The following CDH1 variants were observed in gnomAD, a reference collection of about 807,000 sequenced individuals.
CDH1 encodes the protein cadherin-1.
In CDH1, 35 loss-of-function variants were observed where a neutral mutation model predicts 84.5. The ratio of observed to expected loss-of-function variants is 0.41; its 90% CI spans 0.32 to 0.55. The LOEUF (loss-of-function observed/expected upper bound fraction) is 0.55, where lower values mean the gene tolerates loss of function less well. CDH1 is among the 20% of genes least tolerant of loss of function. The pLI is 0.19. For missense variants in CDH1, 994 were observed against 1,126.6 expected, an observed-to-expected ratio of 0.88 and a Z score of 1.68; for synonymous variants, 417 against 439.0, an observed-to-expected ratio of 0.95 and a Z score of 0.63.
intron 2 of CDH1, among the ~76,000 whole-genome samples, chr16:68,756,132 ATTT>A (rs58200081): frequency 8.0e-6 from 1 of 124,552 alleles, no homozygotes; most frequent in Non-Finnish European, 1.6e-5. Flanking sequence ...TTTAGGGCAT[ATTT>A]TTTTTTTTTT....
chr16:68,813,550 C>T (rs533594259), intron 9 of CDH1, 55 bp downstream of exon 9: 2 of 1,523,548 alleles, frequency 1.3e-6, no homozygotes, highest in Non-Finnish European at 1.8e-6. Flanking sequence ...GCTGTTCATA[C>T]CCTTGTCCCC....
At chr16:68,811,586 C>T in intron 6 of CDH1, 98 bp from the exon 7 acceptor site, 1 of 1,048,190 alleles carries the variant, frequency 9.5e-7, no homozygotes, top group Admixed American at 1.7e-5. Flanking sequence ...ACCCCCATGT[C>T]CCCTCCTTTA....
At chr16:68,745,533 C>CAA (rs67825283) in intron 2 of CDH1, among the ~76,000 whole-genome samples, 140 of 40,392 alleles carry the variant, frequency 3.5e-3, no homozygotes, top group East Asian at 5.1e-3. Flanking sequence ...GATCCTGTCT[C>CAA]AAAAAAAAAA....
At chr16:68,811,996 C>T in intron 7 of CDH1, 137 bp downstream of exon 7, 1 of 1,474,820 alleles carries the variant, frequency 6.8e-7, no homozygotes, top group Non-Finnish European at 9.4e-7. Context: ...AGCTTGTGCC[C>T]AGAGGTTCCG....
intron 2 of CDH1, among the ~76,000 whole-genome samples, chr16:68,768,305 C>A (rs1959448321): frequency 1.3e-5 from 2 of 152,276 alleles, no homozygotes; most frequent in Non-Finnish European, 2.9e-5. Context: ...GATGTGTTTG[C>A]CACAGACCTA....
intron 2 of CDH1, among the ~76,000 whole-genome samples, chr16:68,798,415 A>G (rs1056717935): frequency 2.6e-5 from 4 of 152,062 alleles, no homozygotes; most frequent in African/African-American, 9.7e-5. Context: ...AGAACCTTTC[A>G]ATCTTTCCTA....
chr16:68,806,348 G>A (rs999596060), intron 3 of CDH1, among the ~76,000 whole-genome samples: 2 of 151,626 alleles, frequency 1.3e-5, no homozygotes, highest in Non-Finnish European at 2.9e-5. Context: ...CAGGGTTTTG[G>A]CACGTTGGCC....
At chr16:68,763,093 C>T (rs990783104) in intron 2 of CDH1, among the ~76,000 whole-genome samples, 2 of 152,056 alleles carry the variant, frequency 1.3e-5, no homozygotes, top group Non-Finnish European at 2.9e-5. Flanking sequence ...TAATTTAAAG[C>T]GTTCAATTCC....
At chr16:68,806,203 G>A (rs1960655156) in intron 3 of CDH1, among the ~76,000 whole-genome samples, 1 of 151,260 alleles carries the variant, frequency 6.6e-6, no homozygotes, top group African/African-American at 2.4e-5. Context: ...CCAGGCTGGA[G>A]TGCAGTGGCA....
chr16:68,787,825 A>ATTTTATTTTTTTTT (rs1960100372), intron 2 of CDH1, among the ~76,000 whole-genome samples: 1 of 102,354 alleles, frequency 9.8e-6, no homozygotes, highest in Non-Finnish European at 1.9e-5. Context: ...CGCCCGGCTA[A>ATTTTATTTTTTTTT]TTTTTTTTTT....
chr16:68,808,490 C>G lies in CDH1; in HGVS notation c.454C>G (p.Gln152Glu), dbSNP rs1555515211. 1 of 1,614,086 alleles carries G rather than the reference C, an allele frequency of 6.2e-7. No individual in the cohort carries two copies. Among genetic ancestry groups the G allele is most frequent in the Non-Finnish European group, 8.5e-7 (1 of 1,179,966 alleles). ...FPNSSPGLRR[Q>E]KRDWVIPPIS... is the part of the protein sequence containing the mutation. ...CAACTCCTCTCCTGGCCTCAGAAGACAGAAGAGAGACTGGGTTATTCCTCC... is the reference window on the plus strand; with the variant it reads ...CAACTCCTCTCCTGGCCTCAGAAGAGAGAAGAGAGACTGGGTTATTCCTCC... Residue 152 changes from glutamine to glutamate, a missense_variant, in exon 4 of 16, where the codon CAG becomes GAG. Gln to Glu is a conservative substitution (Grantham distance 29). Coordinates refer to ENST00000261769, the MANE Select transcript of CDH1 (RefSeq NM_004360.5).
chr16:68,787,522 T>TA (rs1491318759), intron 2 of CDH1, among the ~76,000 whole-genome samples: 1 of 151,738 alleles, frequency 6.6e-6, no homozygotes, highest in Non-Finnish European at 1.5e-5. Context: ...TTTTTTTTTT[T>TA]AAATAGAGAT....
chr16:68,829,887 C>CTT, intron 15 of CDH1, 90 bp downstream of exon 15: 4 of 1,314,100 alleles, frequency 3.0e-6, no homozygotes, highest in Non-Finnish European at 4.3e-6. Context: ...TCTTTAGATT[C>CTT]TTTCCTTTAC....
intron 2 of CDH1, among the ~76,000 whole-genome samples, chr16:68,786,541 T>TTTTTTC (rs1218871093): frequency 2.9e-5 from 4 of 138,520 alleles, no homozygotes; most frequent in African/African-American, 1.1e-4. Context: ...TTTCTTTTTT[T>TTTTTTC]TTTTTTTTTT....
chr16:68,745,412 T>C (rs1389145558), intron 2 of CDH1, among the ~76,000 whole-genome samples: 1 of 150,542 alleles, frequency 6.6e-6, no homozygotes, highest in African/African-American at 2.4e-5. Context: ...CGTGGTGGCA[T>C]GTGCATGTAG....
Position 68,813,432 on chromosome 16 carries a change from T to A in CDH1, c.1257T>A (p.Asp419Glu). Residue 419 changes from aspartate (D) to glutamate (E), a missense_variant, in exon 9 of 16, where the codon GAT becomes GAA. This residue lies in a region of CDH1 where 769 missense variants were observed against 881.8 expected (regional missense o/e 0.87). Transcript: ENST00000261769. ...CTGTATACACCATATTGAATGATGATGGTGGACAATTTGTCGTCACCACAA... is the reference window on the plus strand; with the variant it reads ...CTGTATACACCATATTGAATGATGAAGGTGGACAATTTGTCGTCACCACAA... ...WEAVYTILND[D>E]GGQFVVTTNP... is the part of the protein sequence containing the mutation. 6.2e-7 allele frequency: 1 copy of A among 1,614,182 alleles called. No homozygotes were observed. The highest frequency in any genetic ancestry group is 8.5e-7 in the Non-Finnish European group (1 of 1,180,026).
In CDH1 at chr16:68,768,698, G is replaced by T. The variant is rs561455079; in HGVS notation, c.163+30287G>T. ...GGGAGATACCATCTCTTAATAAAAA[G>T]AACAAAAATATTTAAATTGTGTGTA... On this transcript the variant is annotated intron_variant, in intron 2 of 15. Transcript: ENST00000261769. Among the ~76,000 whole-genome samples, 8 of 152,168 alleles carry T rather than the reference G, an allele frequency of 5.3e-5. No homozygotes were observed. In the East Asian group the frequency reaches 1.3e-3, roughly 26 times the overall value.
At chr16:68,757,967 C>CTTTTT (rs58385798) in intron 2 of CDH1, among the ~76,000 whole-genome samples, 1 of 113,356 alleles carries the variant, frequency 8.8e-6, no homozygotes, top group Non-Finnish European at 1.8e-5. Flanking sequence ...CCAGGCTAAT[C>CTTTTT]TTTTTTTTTT....
intron 7 of CDH1, 106 bp downstream of exon 7, chr16:68,811,965 A>G (rs1960848506): frequency 6.8e-7 from 1 of 1,466,912 alleles, no homozygotes. Flanking sequence ...TAATACAGTG[A>G]TGGTCTAAGC....
Sources: gnomAD v4.1 joint callset for allele counts (sites outside exome capture counted in the v4.1 genomes callset) on GRCh38, gnomAD v4.1.1 for gene constraint, gnomAD v4.1.1 regional missense constraint, MANE v1.5 for transcripts, NCBI Gene and HGNC (gene_info 2026-07-23, HGNC 2026-07-21) for gene names.